KCNQ1: variants seen among roughly 807,000 people sequenced by gnomAD.
The protein encoded by KCNQ1 is potassium voltage-gated channel subfamily Q member 1.
KCNQ1 carries 49 observed loss-of-function variants against 72.4 expected under a neutral mutation model. The ratio of observed to expected loss-of-function variants is 0.68; its 90% CI spans 0.54 to 0.86. The LOEUF is 0.86. Among genes scored for constraint, KCNQ1 ranks in the 40% least tolerant of loss-of-function variants. KCNQ1 has a pLI of 0.00. For synonymous variants in KCNQ1, 450 were observed against 412.6 expected, an observed-to-expected ratio of 1.09 and a Z score of -1.10; for missense variants, 790 against 945.1, an observed-to-expected ratio of 0.84 and a Z score of 2.15.
intron 11 of KCNQ1, among the ~76,000 whole-genome samples, chr11:2,741,278 G>A (rs182342399): frequency 6.6e-6 from 1 of 152,170 alleles, no homozygotes; most frequent in Admixed American, 6.5e-5. Flanking sequence ...TTACTCTGCC[G>A]CTGAGTGACT....
rs1357922151 is a variant in KCNQ1, at chr11:2,567,574, A to T, written c.478-3054A>T. Among the ~76,000 whole-genome samples, 1 of 152,206 alleles carries T rather than the reference A, an allele frequency of 6.6e-6. No homozygotes were observed. Among genetic ancestry groups the T allele is most frequent in the Non-Finnish European group, 1.5e-5 (1 of 68,026 alleles). On this transcript the variant is annotated intron_variant, in intron 2 of 15. Transcript: ENST00000155840. The surrounding 1 kb of genome is among the most constrained non-coding windows in gnomAD (Gnocchi z 6.6). ...GAGATAGTTTTATCTCTGAGCAAAC[A>T]TTCCATCTTGCTGTTTCCAGCCTAG...
chr11:2,838,799 G>A (rs1229325244), intron 15 of KCNQ1, among the ~76,000 whole-genome samples: 1 of 152,166 alleles, frequency 6.6e-6, no homozygotes, highest in Non-Finnish European at 1.5e-5. Flanking sequence ...CCCGAACAAA[G>A]TGTTCTGCCT....
intron 11 of KCNQ1, among the ~76,000 whole-genome samples, chr11:2,732,154 G>T (rs1430486828): frequency 6.6e-6 from 1 of 152,260 alleles, no homozygotes; most frequent in African/African-American, 2.4e-5. Flanking sequence ...CTGAAGCGGG[G>T]CTGCGGCCAG....
Position 2,784,916 on chromosome 11 carries a change from G to A in KCNQ1, c.1794+6879G>A, listed in dbSNP as rs1013647958. Among the ~76,000 whole-genome samples, 1 of 151,756 alleles carries A rather than the reference G, an allele frequency of 6.6e-6. No homozygotes were observed. The highest frequency in any genetic ancestry group is 1.9e-4 in the East Asian group (1 of 5,194). ...TCTATTCTTGGCTTTAGCCATTTTT[G>A]TTGTTGCTATTGATTTCTTAAGATT... On this transcript the variant is annotated intron_variant, in intron 15 of 15. Coordinates refer to ENST00000155840, the MANE Select transcript of KCNQ1 (RefSeq NM_000218.3). This position sits in a 1 kb window ranked among gnomAD's most constrained non-coding sequence, Gnocchi z 4.7.
At chr11:2,751,599 C>G (rs1046421637) in intron 11 of KCNQ1, among the ~76,000 whole-genome samples, 5 of 152,276 alleles carry the variant, frequency 3.3e-5, no homozygotes, top group Admixed American at 3.3e-4. Context: ...TGTTCTCCCT[C>G]TTTCAAACGG....
chr11:2,733,822 A>ACTCTCTCTCTCT (rs71029156), intron 11 of KCNQ1, among the ~76,000 whole-genome samples: 1 of 92,470 alleles, frequency 1.1e-5, no homozygotes, highest in South Asian at 3.7e-4. Flanking sequence ...ACACTCTCTC[A>ACTCTCTCTCTCT]CTCTCTCTCT....
intron 15 of KCNQ1, among the ~76,000 whole-genome samples, chr11:2,838,107 G>A (rs893231611): frequency 6.6e-6 from 1 of 152,228 alleles, no homozygotes; most frequent in African/African-American, 2.4e-5. Flanking sequence ...TATACCTGCT[G>A]CACGCCAAGG....
Position 2,673,568 on chromosome 11 carries a change from G to A in KCNQ1, c.1514+11487G>A, listed in dbSNP as rs939052901. 2 of 398,608 alleles carry A rather than the reference G, an allele frequency of 5.0e-6. No individual in the cohort carries two copies. Among genetic ancestry groups the A allele is most frequent in the African/African-American group, 4.1e-5 (2 of 48,632 alleles). 24.7% of individuals were successfully genotyped at this position (398,608 alleles called of 1,614,324 possible). A position where few individuals can be genotyped will look rare whatever the true frequency, so the allele number is the denominator to read the frequency against. On this transcript the variant is annotated intron_variant, in intron 11 of 15. Coordinates refer to ENST00000155840, the MANE Select transcript of KCNQ1 (RefSeq NM_000218.3). The surrounding 1 kb of genome is among the most constrained non-coding windows in gnomAD (Gnocchi z 4.5). ...TATCCCCTCCCTGGCCATGCAGGTG[G>A]AAGACCCTATTACTTGGGCTAAAGA... is the stretch of plus-strand genomic sequence containing the variant.
rs918016502 is a variant in KCNQ1, at chr11:2,785,398, T to C, written c.1794+7361T>C. On this transcript the variant is annotated intron_variant, in intron 15 of 15. Coordinates refer to ENST00000155840, the MANE Select transcript of KCNQ1 (RefSeq NM_000218.3). This position sits in a 1 kb window ranked among gnomAD's most constrained non-coding sequence, Gnocchi z 4.4. ...CTGGATTTGGTTTGCTAATATTTTG[T>C]TAAGAATGTTTGTGTCTTCAACCTA... Among the ~76,000 whole-genome samples, 2 of 151,920 alleles carry C rather than the reference T, an allele frequency of 1.3e-5. No homozygotes were observed. The highest frequency in any genetic ancestry group is 6.5e-5 in the Admixed American group (1 of 15,274).
Position 2,848,097 on chromosome 11 carries a change from GC to G in KCNQ1, c.*97del. The G allele has an allele frequency of 1.9e-6, 2 of 1,060,614 alleles. No homozygotes were observed. Among genetic ancestry groups the G allele is most frequent in the Admixed American group, 2.0e-5 (1 of 50,306 alleles). The allele number at this position is 1,060,614 out of a possible 1,614,324, so 65.7% of individuals were successfully genotyped here. Reference sequence around the variant, plus strand: ...TCTGAAGGAGGCCACCTCCTAAAAGGCCCAGAGAGAAGAGCCCCACTCTCAG... The same window carrying G: ...TCTGAAGGAGGCCACCTCCTAAAAGGCCAGAGAGAAGAGCCCCACTCTCAG... On this transcript the variant is annotated 3_prime_UTR_variant, in exon 16 of 16. Transcript: ENST00000155840.
chr11:2,644,077 A>G (rs1322262700), intron 10 of KCNQ1: 2 of 398,434 alleles, frequency 5.0e-6, no homozygotes, highest in East Asian at 7.1e-5. Flanking sequence ...GCTGTGGAAA[A>G]GACCTTTCTG....
At chr11:2,560,352 TGGG>T (rs370138452) in intron 2 of KCNQ1, among the ~76,000 whole-genome samples, 5 of 17,970 alleles carry the variant, frequency 2.8e-4, no homozygotes, top group Non-Finnish European at 3.5e-4. Flanking sequence ...CCTGGGGGAA[TGGG>T]GGGGGTGACA....
rs964138241 is a variant in KCNQ1 at position 2,652,016 on chromosome 11, G to A, written c.1394-9945G>A. The A allele has an allele frequency of 2.5e-6, 1 of 398,532 alleles. No individual in the cohort carries two copies. The highest frequency in any genetic ancestry group is 3.6e-5 in the East Asian group (1 of 28,086). The allele number at this position is 398,532 out of a possible 1,614,324, so 24.7% of individuals were successfully genotyped here. On this transcript the variant is annotated intron_variant, in intron 10 of 15. Transcript: ENST00000155840. This position sits in a 1 kb window ranked among gnomAD's most constrained non-coding sequence, Gnocchi z 5.9. ...CAGTTGTTAACATAATTTTGATGTT[G>A]AGCCTCCCCCCAGTTCTGGGGTGGC...
chr11:2,656,933 T>C (rs547131017), intron 10 of KCNQ1: 5 of 398,636 alleles, frequency 1.3e-5, no homozygotes, highest in South Asian at 1.3e-4. Flanking sequence ...ACTTAATGTT[T>C]TTCCAGTGTG....
rs1310800037 is a variant in KCNQ1, at chr11:2,537,349, C to T, written c.477+9331C>T. ...CTGACCTTCCAGGAAAGGTTTGCCACGCTATTTATTTAGCAGGATAATTTT... is the reference window on the plus strand; with the variant it reads ...CTGACCTTCCAGGAAAGGTTTGCCATGCTATTTATTTAGCAGGATAATTTT... On this transcript the variant is annotated intron_variant, in intron 2 of 15. Transcript: ENST00000155840. The surrounding 1 kb of genome is among the most constrained non-coding windows in gnomAD (Gnocchi z 5.2). 2.0e-5 allele frequency among the ~76,000 whole-genome samples: 3 copies of T among 152,088 alleles called. No individual in the cohort carries two copies. The highest frequency in any genetic ancestry group is 2.9e-5 in the Non-Finnish European group (2 of 68,050).
chr11:2,690,131 A>T lies in KCNQ1; in HGVS notation c.1514+28050A>T, dbSNP rs1434187437. ...GGGTTAGAACTGGGGGAGCAGGGAC[A>T]AAAAGCGGGCAGCCCTCCCCAGCAT... On this transcript the variant is annotated intron_variant, in intron 11 of 15. Coordinates refer to ENST00000155840, the MANE Select transcript of KCNQ1 (RefSeq NM_000218.3). This position sits in a 1 kb window ranked among gnomAD's most constrained non-coding sequence, Gnocchi z 5.1. 1 of 398,882 alleles carries T rather than the reference A, an allele frequency of 2.5e-6. No individual in the cohort carries two copies. The highest frequency in any genetic ancestry group is 1.3e-4 in the South Asian group (1 of 7,870). 24.7% of individuals were successfully genotyped at this position (398,882 alleles called of 1,614,324 possible).
rs572603072 is a variant in KCNQ1 at position 2,666,412 on chromosome 11, C to A, written c.1514+4331C>A. Reference sequence around the variant, plus strand: ...GCAAATCCTTGAGCAAAAACAGCCCCGTGTGCGTTAATTAGAATTTCCATG... The same window carrying A: ...GCAAATCCTTGAGCAAAAACAGCCCAGTGTGCGTTAATTAGAATTTCCATG... On this transcript the variant is annotated intron_variant, in intron 11 of 15. Transcript: ENST00000155840. The A allele has an allele frequency of 1.0e-5, 4 of 398,656 alleles. No individual in the cohort carries two copies. The Admixed American group carries it at 1.3e-4, about 13-fold the overall frequency. 24.7% of individuals were successfully genotyped at this position (398,656 alleles called of 1,614,324 possible). A position where few individuals can be genotyped will look rare whatever the true frequency, so the allele number is the denominator to read the frequency against.
intron 10 of KCNQ1, chr11:2,643,259 A>C (rs1287225918): frequency 2.5e-6 from 1 of 398,164 alleles, no homozygotes; most frequent in Non-Finnish European, 4.4e-6. Context: ...GAAATGGAGA[A>C]TTGAAGTTCC....
chr11:2,534,793 G>C (rs1321722445), intron 2 of KCNQ1, among the ~76,000 whole-genome samples: 2 of 152,244 alleles, frequency 1.3e-5, no homozygotes, highest in African/African-American at 4.8e-5. Flanking sequence ...CCCTGGCAGG[G>C]TTGTTTCCGC....
Sources: gnomAD v4.1 joint callset for allele counts (sites outside exome capture counted in the v4.1 genomes callset) on GRCh38, gnomAD v4.1.1 for gene constraint, Gnocchi (gnomAD v3.1) non-coding constraint, MANE v1.5 for transcripts, NCBI Gene and HGNC (gene_info 2026-07-23, HGNC 2026-07-21) for gene names.